Variants in CAMK2G observed in about 807,000 individuals in gnomAD.
CAMK2G encodes calcium/calmodulin dependent protein kinase II gamma.
In CAMK2G, 23 loss-of-function variants were observed where a neutral mutation model predicts 88.7. The observed-to-expected ratio is 0.26, with a 90% CI of 0.19 to 0.37. The LOEUF is 0.37. Among genes scored for constraint, CAMK2G ranks in the 10% least tolerant of loss-of-function variants. The pLI is 1.00. For missense variants in CAMK2G, 476 were observed against 780.8 expected, an observed-to-expected ratio of 0.61 and a Z score of 4.65; for synonymous variants, 263 against 294.8, an observed-to-expected ratio of 0.89 and a Z score of 1.11.
chr10:73,872,955 C>A (rs756414722), intron 2 of CAMK2G, 34 bp downstream of exon 2: 2 of 1,388,934 alleles, frequency 1.4e-6, no homozygotes, highest in East Asian at 2.3e-5. Flanking sequence ...CCTGGAGGCA[C>A]CCTCAGGAAG....
chr10:73,847,076 C>A (rs1023077707), intron 10 of CAMK2G, 149 bp downstream of exon 10: 6 of 729,544 alleles, frequency 8.2e-6, no homozygotes, highest in African/African-American at 5.3e-5. Context: ...CATTTATTGA[C>A]CCTGGCCCTC....
rs1367705945 is a variant in CAMK2G at position 73,815,029 on chromosome 10, C to T, written c.1753G>A (p.Ala585Thr). 8.7e-6 allele frequency: 14 copies of T among 1,612,804 alleles called. No individual in the cohort carries two copies. Among genetic ancestry groups the T allele is most frequent in the East Asian group, 2.2e-5 (1 of 44,868 alleles). The change falls in exon 22 of 23, where the codon GCA (alanine) becomes ACA (threonine). Residue 585 changes from alanine (A) to threonine (T), a missense_variant. Physicochemically the swap from Ala to Thr is moderately conservative, Grantham distance 58. This residue lies in a region of CAMK2G where 278 missense variants were observed against 366.5 expected (regional missense o/e 0.76). Coordinates refer to ENST00000423381, the MANE Select transcript of CAMK2G (RefSeq NM_001367534.1). Reference protein sequence around the residue: ...VHYHCSGAPAAPLQ With the variant: ...VHYHCSGAPATPLQ ...TGTGGCTGAGCTCACTGCAGCGGTG[C>T]GGCAGGGGCCCCTGAGCAGTGATAG...
At chr10:73,816,921 A>G in intron 21 of CAMK2G, 102 bp downstream of exon 21, 2 of 1,611,972 alleles carry the variant, frequency 1.2e-6, no homozygotes, top group East Asian at 4.5e-5. Flanking sequence ...CGAAGGTCAA[A>G]TAAGGGAAAA....
chr10:73,842,455 C>T lies in CAMK2G; in HGVS notation c.903+3G>A. 1 of 1,607,800 alleles carries T rather than the reference C, an allele frequency of 6.2e-7. No individual in the cohort carries two copies. The stretch of plus-strand genomic sequence containing the variant: ...AGGCTGGCAGCCTAGAAACGACACT[C>T]ACCTTCAGTTTTCTCCGGGCATTGA... On this transcript the variant is annotated splice_donor_region_variant and intron_variant, in intron 11 of 22. Transcript: ENST00000423381. The surrounding 1 kb of genome is among the most constrained non-coding windows in gnomAD (Gnocchi z 4.6).
At chr10:73,840,021 C>T (rs1025767421) in intron 12 of CAMK2G, among the ~76,000 whole-genome samples, 4 of 152,134 alleles carry the variant, frequency 2.6e-5, no homozygotes, top group East Asian at 3.9e-4. Context: ...ATGAGAGTGC[C>T]GGGGGCGCAG....
At chr10:73,870,484 T>C (rs534676614) in intron 2 of CAMK2G, among the ~76,000 whole-genome samples, 5 of 152,304 alleles carry the variant, frequency 3.3e-5, no homozygotes, top group East Asian at 1.9e-4. Flanking sequence ...CCTGTCTCGA[T>C]TGGACCCCCC....
intron 19 of CAMK2G, chr10:73,818,832 C>A (rs2086694632): frequency 2.2e-6 from 1 of 456,176 alleles, no homozygotes; most frequent in Non-Finnish European, 4.4e-6. Flanking sequence ...TGCTTAGAAA[C>A]TCTGCAAGGA....
rs2094772940 is a variant in CAMK2G at position 73,853,244 on chromosome 10, G to A, written c.223C>T (p.Arg75Cys). The A allele has an allele frequency of 3.7e-6, 6 of 1,613,494 alleles. No individual in the cohort carries two copies. The highest frequency in any genetic ancestry group is 5.1e-6 in the Non-Finnish European group (6 of 1,179,470). ...TCTTCAGAAATACTGTCATGGAGGC[G>A]CACTGCAAGAGAGGAGATGGGGACA... is the stretch of plus-strand genomic sequence containing the variant. ...CRLLKHPNIV[R>C]LHDSISEEGF... Residue 75 changes from arginine to cysteine, a missense_variant and splice_region_variant, in exon 4 of 23, where the codon CGC becomes TGC. Physicochemically the swap from Arg to Cys is radical, Grantham distance 180. Coordinates refer to ENST00000423381, the MANE Select transcript of CAMK2G (RefSeq NM_001367534.1).
intron 21 of CAMK2G, chr10:73,816,713 C>G: frequency 8.1e-7 from 1 of 1,239,212 alleles, no homozygotes; most frequent in African/African-American, 1.5e-5. Flanking sequence ...CCAGCCTCAG[C>G]CTCCCAAAGT....
chr10:73,862,610 T>C (rs938403493), intron 2 of CAMK2G, among the ~76,000 whole-genome samples: 2 of 152,162 alleles, frequency 1.3e-5, no homozygotes, highest in African/African-American at 2.4e-5. Context: ...TTTAAAAAGA[T>C]AGAGTAATCT....
Position 73,829,492 on chromosome 10 carries a change from G to C in CAMK2G, c.1054-1371C>G, listed in dbSNP as rs2091973283. Among the ~76,000 whole-genome samples the C allele has an allele frequency of 2.0e-5, 3 of 151,794 alleles. No homozygotes were observed. In the South Asian group the frequency reaches 6.2e-4, roughly 32 times the overall value. ...TTTTGTATTTTTAGTAGAGAGACTG[G>C]TTTCGCCATGTTGGCCAGGCTGGTC... On this transcript the variant is annotated intron_variant, in intron 14 of 22. Transcript: ENST00000423381.
intron 14 of CAMK2G, among the ~76,000 whole-genome samples, chr10:73,830,183 AT>A (rs1430357210): frequency 6.6e-6 from 1 of 152,124 alleles, no homozygotes; most frequent in African/African-American, 2.4e-5. Flanking sequence ...ACATTTTTCA[AT>A]TTCCTTCTCC....
At chr10:73,815,617 G>A (rs564926988) in intron 21 of CAMK2G, among the ~76,000 whole-genome samples, 1 of 152,254 alleles carries the variant, frequency 6.6e-6, no homozygotes, top group Admixed American at 6.5e-5. Flanking sequence ...CTGAACTCAG[G>A]ACCATGTGAC....
intron 2 of CAMK2G, among the ~76,000 whole-genome samples, chr10:73,869,854 A>C (rs2095753770): frequency 6.6e-6 from 1 of 152,246 alleles, no homozygotes; most frequent in African/African-American, 2.4e-5. Context: ...GCATTACCCC[A>C]GTATCTATCT....
chr10:73,820,971 G>A (rs1048636238), intron 18 of CAMK2G, among the ~76,000 whole-genome samples: 4 of 151,832 alleles, frequency 2.6e-5, no homozygotes, highest in South Asian at 2.1e-4. Flanking sequence ...CACTACGCCC[G>A]GCCTTTTTTT....
At position 73,848,973 on chromosome 10, in the gene CAMK2G, G is replaced by A. The variant is rs1433317148; in HGVS notation, c.517+40C>T. The A allele has an allele frequency of 1.6e-6, 2 of 1,240,080 alleles. No homozygotes were observed. The highest frequency in any genetic ancestry group is 1.5e-5 in the African/African-American group (1 of 67,876). 76.8% of individuals were successfully genotyped at this position (1,240,080 alleles called of 1,614,324 possible). On this transcript the variant is annotated intron_variant, in intron 7 of 22. Coordinates refer to ENST00000423381, the MANE Select transcript of CAMK2G (RefSeq NM_001367534.1). This position sits in a 1 kb window ranked among gnomAD's most constrained non-coding sequence, Gnocchi z 4.5. ...GAAGGCAGATCAGGAAGAGGAGGAAGGGCGGGGGCTGCATTCCGGGAAGAC... is the reference window on the plus strand; with the variant it reads ...GAAGGCAGATCAGGAAGAGGAGGAAAGGCGGGGGCTGCATTCCGGGAAGAC...
At chr10:73,866,109 C>T (rs1265678235) in intron 2 of CAMK2G, among the ~76,000 whole-genome samples, 2 of 152,116 alleles carry the variant, frequency 1.3e-5, no homozygotes, top group African/African-American at 4.8e-5. Context: ...GTGGTCTGAG[C>T]CCAGGCCAGA....
chr10:73,843,571 A>G (rs1260628192), intron 10 of CAMK2G, among the ~76,000 whole-genome samples: 2 of 152,018 alleles, frequency 1.3e-5, no homozygotes, highest in Non-Finnish European at 2.9e-5. Context: ...ATGACCCCAG[A>G]ACAGAATATT....
intron 5 of CAMK2G, among the ~76,000 whole-genome samples, chr10:73,851,336 G>T (rs888628097): frequency 2.0e-5 from 3 of 152,196 alleles, no homozygotes. Context: ...ACAGGCGCCT[G>T]AGAGCGTGGG....
Sources: allele counts gnomAD v4.1 joint callset (sites outside exome capture counted in the v4.1 genomes callset), GRCh38; gene constraint gnomAD v4.1.1; regional missense constraint gnomAD v4.1.1; non-coding constraint Gnocchi (gnomAD v3.1); transcripts MANE v1.5; gene names NCBI Gene and HGNC (gene_info 2026-07-23, HGNC 2026-07-21).